Variants in C1orf185 observed in about 807,000 individuals in gnomAD.
C1orf185 encodes uncharacterized protein C1orf185.
C1orf185 carries 13 observed loss-of-function variants against 16.1 expected under a neutral mutation model. The ratio of observed to expected loss-of-function variants is 0.81; its 90% CI spans 0.53 to 1.28. The LOEUF is 1.28. Among genes scored for constraint, C1orf185 ranks in the 50% most tolerant of loss-of-function variants. The pLI is 0.00. For synonymous variants in C1orf185, 80 were observed against 76.9 expected (o/e 1.04, Z -0.21); for missense variants, 220 against 225.2 (o/e 0.98, Z 0.15).
rs367758281 is a variant in C1orf185 at position 51,120,367 on chromosome 1, ACTTAACTT to A, written c.258+1569_258+1576del. Among the ~76,000 whole-genome samples, 680 of 152,306 alleles carry A rather than the reference ACTTAACTT, an allele frequency of 4.5e-3. 6 individuals carry two copies. The highest frequency in any genetic ancestry group is 0.015 in the African/African-American group (636 of 41,554). ...ATAGCTGTATAATGTTAGGCAAGTT[ACTTAACTT>A]CTCTGTGTCTCAGTTTCCTCATCTG... is the stretch of plus-strand genomic sequence containing the variant. On this transcript the variant is annotated intron_variant, in intron 3 of 4. Transcript: ENST00000371759.
downstream of C1orf185, among the ~76,000 whole-genome samples, chr1:51,150,008 G>T (rs1646423088): frequency 6.6e-6 from 1 of 152,118 alleles, no homozygotes; most frequent in Admixed American, 6.5e-5. Context: ...TCTTGGCTTT[G>T]TTAAGGAACC....
intron 2 of C1orf185, among the ~76,000 whole-genome samples, chr1:51,118,414 C>T (rs1646173242): frequency 6.6e-6 from 1 of 152,114 alleles, no homozygotes; most frequent in Non-Finnish European, 1.5e-5. Context: ...ATTAGCTCTG[C>T]ATACATAACT....
intron 3 of C1orf185, among the ~76,000 whole-genome samples, chr1:51,130,344 T>A (rs190191861): frequency 1.4e-5 from 2 of 147,620 alleles, no homozygotes; most frequent in African/African-American, 5.3e-5. Context: ...ATCCAGTTTC[T>A]TTCTTTCTTT....
At chr1:51,124,618 A>G (rs562298847) in intron 3 of C1orf185, among the ~76,000 whole-genome samples, 1 of 152,204 alleles carries the variant, frequency 6.6e-6, no homozygotes, top group Non-Finnish European at 1.5e-5. Flanking sequence ...CCCACATTCA[A>G]TTACATGCAA....
At chr1:51,141,368 C>T (rs1646363217) in intron 3 of C1orf185, among the ~76,000 whole-genome samples, 1 of 152,162 alleles carries the variant, frequency 6.6e-6, no homozygotes, top group African/African-American at 2.4e-5. Flanking sequence ...GCACATGCCT[C>T]TGGTTCCAGC....
chr1:51,133,490 TAAG>T (rs1478226686), intron 3 of C1orf185, among the ~76,000 whole-genome samples: 2 of 152,180 alleles, frequency 1.3e-5, no homozygotes, highest in South Asian at 2.1e-4. Context: ...GAGTTCAATT[TAAG>T]AAGAAGATCT....
intron 1 of C1orf185, among the ~76,000 whole-genome samples, chr1:51,104,821 T>C (rs1300982931): frequency 6.6e-6 from 1 of 152,206 alleles, no homozygotes; most frequent in Non-Finnish European, 1.5e-5. Flanking sequence ...GTTTTTGCAT[T>C]GGGCCAAACT....
chr1:51,133,481 A>C (rs1646300610), intron 3 of C1orf185, among the ~76,000 whole-genome samples: 1 of 152,230 alleles, frequency 6.6e-6, no homozygotes, highest in Non-Finnish European at 1.5e-5. Flanking sequence ...AATAGTAAAG[A>C]GTTCAATTTA....
At chr1:51,112,931 T>G (rs1646131920) in intron 2 of C1orf185, among the ~76,000 whole-genome samples, 1 of 151,956 alleles carries the variant, frequency 6.6e-6, no homozygotes. Flanking sequence ...GCGATTCTCC[T>G]GACTCAGCCT....
intron 1 of C1orf185, chr1:51,107,251 G>C (rs1303097208): frequency 6.6e-6 from 1 of 152,166 alleles, no homozygotes; most frequent in Non-Finnish European, 1.5e-5. Flanking sequence ...AGTCTTAATT[G>C]ATTGTGCACA....
At chr1:51,119,683 C>G (rs1646183574) in intron 3 of C1orf185, among the ~76,000 whole-genome samples, 1 of 152,114 alleles carries the variant, frequency 6.6e-6, no homozygotes, top group African/African-American at 2.4e-5. Context: ...GCCTGTAGTC[C>G]TAGTTGTTCA....
chr1:51,145,495 T>C (rs1186480190), intron 3 of C1orf185, among the ~76,000 whole-genome samples: 1 of 152,140 alleles, frequency 6.6e-6, no homozygotes, highest in African/African-American at 2.4e-5. Flanking sequence ...CTGTTATTCC[T>C]TATTCTGGAG....
chr1:51,152,120 C>T (rs534773636), downstream of C1orf185, among the ~76,000 whole-genome samples: 5 of 152,264 alleles, frequency 3.3e-5, no homozygotes, highest in South Asian at 4.1e-4. Flanking sequence ...GCACCCAGCT[C>T]GCAACTGCCT....
chr1:51,135,668 G>A (rs555421554), intron 3 of C1orf185, among the ~76,000 whole-genome samples: 15 of 152,244 alleles, frequency 9.9e-5, no homozygotes, highest in South Asian at 2.1e-4. Context: ...AAAATAATAA[G>A]AGCCATCTAT....
intron 1 of C1orf185, among the ~76,000 whole-genome samples, chr1:51,105,765 A>G (rs189439516): frequency 1.3e-5 from 2 of 152,308 alleles, no homozygotes; most frequent in South Asian, 2.1e-4. Flanking sequence ...CAAAAAAGTA[A>G]AAATACTATC....
chr1:51,142,145 A>C (rs998465500), intron 3 of C1orf185, among the ~76,000 whole-genome samples: 2 of 152,210 alleles, frequency 1.3e-5, no homozygotes, highest in African/African-American at 2.4e-5. Flanking sequence ...CAATGTTTTC[A>C]TATAATCTAA....
chr1:51,137,263 T>C (rs1646332274), intron 3 of C1orf185, among the ~76,000 whole-genome samples: 1 of 152,186 alleles, frequency 6.6e-6, no homozygotes, highest in Non-Finnish European at 1.5e-5. Flanking sequence ...CTAGACATGG[T>C]GGCTCATACC....
At chr1:51,141,474 G>A (rs561819681) in intron 3 of C1orf185, among the ~76,000 whole-genome samples, 2 of 152,240 alleles carry the variant, frequency 1.3e-5, no homozygotes, top group African/African-American at 4.8e-5. Context: ...GCCTGGATGA[G>A]AGGGTGAAAC....
At chr1:51,126,199 G>T (rs1232748553) in intron 3 of C1orf185, among the ~76,000 whole-genome samples, 1 of 152,138 alleles carries the variant, frequency 6.6e-6, no homozygotes, top group East Asian at 1.9e-4. Flanking sequence ...TCAGTATTTT[G>T]TTACAATTGC....
Sources: gnomAD v4.1 joint callset for allele counts (sites outside exome capture counted in the v4.1 genomes callset) on GRCh38, gnomAD v4.1.1 for gene constraint, MANE v1.5 for transcripts, NCBI Gene and HGNC (gene_info 2026-07-23, HGNC 2026-07-21) for gene names.